The following USP35 variants were observed in gnomAD, a reference collection of about 807,000 sequenced individuals.
USP35 encodes the protein ubiquitin specific peptidase 35, also known as ubiquitin carboxyl-terminal hydrolase 35.
USP35 carries 69 observed loss-of-function variants against 83.8 expected under a neutral mutation model. The observed-to-expected ratio is 0.82, with a 90% CI of 0.68 to 1.01. The LOEUF is 1.01. Ranked by LOEUF, USP35 falls within the 50% of genes least tolerant of loss-of-function variation. The pLI is 0.00. For missense variants in USP35, 1,503 were observed against 1,362.5 expected, an observed-to-expected ratio of 1.10 and a Z score of -1.62; for synonymous variants, 714 against 589.5, an observed-to-expected ratio of 1.21 and a Z score of -3.06.
chr11:78,215,999 T>C (rs1006469050), downstream of USP35: 1 of 152,586 alleles, frequency 6.6e-6, no homozygotes, highest in African/African-American at 2.4e-5. Context: ...AACTTCTACA[T>C]TGGAAACCAC....
Position 78,200,571 on chromosome 11 carries a change from G to A in USP35, c.1039-79G>A, listed in dbSNP as rs1004685973. 19 of 1,528,260 alleles carry A rather than the reference G, an allele frequency of 1.2e-5. No individual in the cohort carries two copies. In the African/African-American group the frequency reaches 1.8e-4, roughly 14 times the overall value. 94.7% of individuals were successfully genotyped at this position (1,528,260 alleles called of 1,614,324 possible). A position where few individuals can be genotyped will look rare whatever the true frequency, so the allele number is the denominator to read the frequency against. ...GCCTCCCTACCTCAGAGAGTGTTGC[G>A]TGCTGTCAGCAGGGACCACAGCCCC... On this transcript the variant is annotated intron_variant, in intron 5 of 10. Transcript: ENST00000529308.
downstream of USP35, chr11:78,219,332 G>C (rs115982223): frequency 7.1e-4 from 1,145 of 1,613,464 alleles, 3 homozygotes; most frequent in African/African-American, 0.013. Flanking sequence ...ACTCCTGCAT[G>C]GTGTTCTGCA....
rs533785587 is a variant in USP35 at position 78,198,163 on chromosome 11, T to A, written c.806+95T>A. 1.9e-6 allele frequency: 3 copies of A among 1,567,930 alleles called. No homozygotes were observed. In the East Asian group the frequency reaches 6.7e-5, roughly 35 times the overall value. On this transcript the variant is annotated intron_variant, in intron 3 of 10. Transcript: ENST00000529308. ...TCCTGGGTGGGCCGCTGGGCTAGATTTGGAGTCAGAGGGCCCAGGCCCTCA... is the reference window on the plus strand; with the variant it reads ...TCCTGGGTGGGCCGCTGGGCTAGATATGGAGTCAGAGGGCCCAGGCCCTCA...
Position 78,208,890 on chromosome 11 carries a change from G to A in USP35, c.1519G>A (p.Ala507Thr), listed in dbSNP as rs762752281. ...CATTTCCCCAGAGAACTTCCTCTCC[G>A]CATCCTGGACGCCCTGGTTCAGCCC... ...PAISPENFLSASWTPWFSPGT... is the reference protein window; with the variant it reads ...PAISPENFLSTSWTPWFSPGT... The change falls in exon 9 of 11, where the codon GCA (alanine) becomes ACA (threonine). Residue 507 changes from alanine to threonine, a missense_variant. By Grantham distance (58) the Ala-to-Thr change is moderately conservative. Transcript: ENST00000529308. 7 of 1,614,162 alleles carry A rather than the reference G, an allele frequency of 4.3e-6. No homozygotes were observed. The highest frequency in any genetic ancestry group is 3.3e-5 in the Admixed American group (2 of 60,024).
In USP35 at chr11:78,196,817, A is replaced by G. The variant is rs1208829831; in HGVS notation, c.572A>G (p.Gln191Arg). Reference protein sequence around the residue: ...GEEGAVEFLEQAQQVSGLLAQ... With the variant: ...GEEGAVEFLERAQQVSGLLAQ... ...GAGGGCGCCGTGGAGTTCCTAGAGC[A>G]GGCCCAGCAGGTGAGCGGGCTCCTG... Residue 191 changes from glutamine to arginine, a missense_variant, in exon 2 of 11, where the codon CAG becomes CGG. Physicochemically the swap from Gln to Arg is conservative, Grantham distance 43. Coordinates refer to ENST00000529308, the MANE Select transcript of USP35 (RefSeq NM_020798.4). The surrounding 1 kb of genome is among the most constrained non-coding windows in gnomAD (Gnocchi z 4.8). The G allele has an allele frequency of 2.0e-5, 31 of 1,532,558 alleles. No individual in the cohort carries two copies. The highest frequency in any genetic ancestry group is 2.4e-5 in the Non-Finnish European group (28 of 1,144,524). The allele number at this position is 1,532,558 out of a possible 1,614,324, so 94.9% of individuals were successfully genotyped here.
At chr11:78,226,619 G>GGGGCCC in the USP35 span, 1 of 952,238 alleles carries the variant, frequency 1.1e-6, no homozygotes. Context: ...GGCGGGGTGG[G>GGGGCCC]GGAGCTATGG....
intron 2 of USP35, 99 bp from the exon 3 acceptor site, chr11:78,197,837 G>C: frequency 6.8e-7 from 1 of 1,477,214 alleles, no homozygotes; most frequent in Non-Finnish European, 9.0e-7. Context: ...GCTCTTCCTA[G>C]AGGCCCAGCC....
intron 1 of USP35, among the ~76,000 whole-genome samples, chr11:78,194,971 C>T (rs1430340583): frequency 6.6e-6 from 1 of 152,140 alleles, no homozygotes; most frequent in Non-Finnish European, 1.5e-5. Context: ...GGTGAGGCTT[C>T]CTTGATGAAG....
chr11:78,217,708 C>T (rs927579614), downstream of USP35: 2 of 152,280 alleles, frequency 1.3e-5, no homozygotes, highest in Admixed American at 6.5e-5. Context: ...GCCCTACACC[C>T]CGTCCCTGCT....
At chr11:78,228,830 C>T in the USP35 span, among the ~76,000 whole-genome samples, 2 of 61,286 alleles carry the variant, frequency 3.3e-5, no homozygotes, top group African/African-American at 6.5e-5. Context: ...GGGAAGAGGA[C>T]GGGGGTGGCG....
At chr11:78,194,153 T>C (rs909270699) in intron 1 of USP35, among the ~76,000 whole-genome samples, 1 of 152,202 alleles carries the variant, frequency 6.6e-6, no homozygotes, top group African/African-American at 2.4e-5. Flanking sequence ...CAGTGAACTC[T>C]TAAGAGGCAC....
chr11:78,231,336 G>GGTGTGTGTGTGTGTGTGTGTGTGTGTGT, the USP35 span, among the ~76,000 whole-genome samples: 127 of 145,890 alleles, frequency 8.7e-4, no homozygotes, highest in African/African-American at 3.1e-3. Context: ...GCGCGTGTGT[G>GGTGTGTGTGTGTGTGTGTGTGTGTGTGT]GTGTGTGTGT....
At chr11:78,229,686 C>T in the USP35 span, among the ~76,000 whole-genome samples, 1 of 152,174 alleles carries the variant, frequency 6.6e-6, no homozygotes, top group African/African-American at 2.4e-5. Flanking sequence ...CAGGATTAAG[C>T]CCAAACTCCT....
chr11:78,189,030 C>T lies in USP35; in HGVS notation c.-138C>T, dbSNP rs2137016070. ...GAAGCAGCATCTCTTCCGTCTGGGACCTGGCTGAGGGCGTCCCCACCCTGG... is the reference window on the plus strand; with the variant it reads ...GAAGCAGCATCTCTTCCGTCTGGGATCTGGCTGAGGGCGTCCCCACCCTGG... On this transcript the variant is annotated 5_prime_UTR_variant, in exon 1 of 11. Transcript: ENST00000529308. 1.1e-6 allele frequency: 1 copy of T among 909,972 alleles called. No homozygotes were observed. The highest frequency in any genetic ancestry group is 1.8e-5 in the African/African-American group (1 of 55,826). The allele number at this position is 909,972 out of a possible 1,614,324, so 56.4% of individuals were successfully genotyped here.
Position 78,213,646 on chromosome 11 carries a change from G to C in USP35, c.2890G>C (p.Glu964Gln). ...ISKDNILYLQ[E>Q]QEKEARSRAA... ...AGTCTCCTCTCATCTGTGTTCCCAGGAGCAGGAGAAGGAGGCCCGGAGCAG... is the reference window on the plus strand; with the variant it reads ...AGTCTCCTCTCATCTGTGTTCCCAGCAGCAGGAGAAGGAGGCCCGGAGCAG... The change falls in exon 11 of 11, where the codon GAG (glutamate) becomes CAG (glutamine). Residue 964 changes from glutamate (E) to glutamine (Q), a missense_variant and splice_region_variant. Physicochemically the swap from Glu to Gln is conservative, Grantham distance 29. Coordinates refer to ENST00000529308, the MANE Select transcript of USP35 (RefSeq NM_020798.4). The C allele has an allele frequency of 6.7e-7, 1 of 1,484,476 alleles. No homozygotes were observed. Among genetic ancestry groups the C allele is most frequent in the Non-Finnish European group, 8.9e-7 (1 of 1,123,150 alleles). The allele number at this position is 1,484,476 out of a possible 1,614,324, so 92.0% of individuals were successfully genotyped here.
chr11:78,194,796 G>T (rs1015240568), intron 1 of USP35, among the ~76,000 whole-genome samples: 3 of 152,222 alleles, frequency 2.0e-5, no homozygotes, highest in Non-Finnish European at 2.9e-5. Flanking sequence ...TGTGCTAGGT[G>T]CTGGGGATAC....
At position 78,204,868 on chromosome 11, in the gene USP35, C is replaced by T. The variant is rs139816594; in HGVS notation, c.1198-974C>T. Among the ~76,000 whole-genome samples the T allele has an allele frequency of 8.5e-3, 1,300 of 152,344 alleles. 12 individuals are homozygous for T. Among genetic ancestry groups the T allele is most frequent in the Middle Eastern group, 0.031 (9 of 294 alleles). On this transcript the variant is annotated intron_variant, in intron 6 of 10. Coordinates refer to ENST00000529308, the MANE Select transcript of USP35 (RefSeq NM_020798.4). ...GAATGAGCAAAAGTGTTAAACCCCA[C>T]TGGGTGAGCAAGACCTTCTGTGGGA...
At chr11:78,236,529 C>CTT in the USP35 span, among the ~76,000 whole-genome samples, 1 of 152,134 alleles carries the variant, frequency 6.6e-6, no homozygotes, top group Non-Finnish European at 1.5e-5. Flanking sequence ...AGAACAGGTA[C>CTT]TTTCTCCTTG....
chr11:78,235,235 C>T, the USP35 span, among the ~76,000 whole-genome samples: 2 of 151,920 alleles, frequency 1.3e-5, no homozygotes, highest in Non-Finnish European at 2.9e-5. Flanking sequence ...TCACTGCAAG[C>T]TCCGCCTCCC....
Sources: allele counts gnomAD v4.1 joint callset (sites outside exome capture counted in the v4.1 genomes callset), GRCh38; gene constraint gnomAD v4.1.1; non-coding constraint Gnocchi (gnomAD v3.1); transcripts MANE v1.5; gene names NCBI Gene and HGNC (gene_info 2026-07-23, HGNC 2026-07-21).